APLF: variants seen among roughly 807,000 people sequenced by gnomAD.
APLF encodes the protein aprataxin and PNK-like factor.
In APLF, 61 loss-of-function variants were observed where a neutral mutation model predicts 55.6. The observed-to-expected ratio is 1.10, with a 90% CI of 0.89 to 1.36. APLF has a LOEUF of 1.36. APLF is among the 40% of genes most tolerant of loss of function. The pLI is 0.00. For synonymous variants in APLF, 207 were observed against 214.8 expected, an observed-to-expected ratio of 0.96 and a Z score of 0.32; for missense variants, 611 against 602.5, an observed-to-expected ratio of 1.01 and a Z score of -0.15.
At chr2:68,540,242 T>C (rs985426010) in intron 7 of APLF, among the ~76,000 whole-genome samples, 4 of 152,190 alleles carry the variant, frequency 2.6e-5, no homozygotes, top group Non-Finnish European at 4.4e-5. Context: ...CTCCCACTTA[T>C]GAGTGAGAAC....
intron 8 of APLF, among the ~76,000 whole-genome samples, chr2:68,548,041 A>G (rs1244577991): frequency 6.6e-6 from 1 of 151,862 alleles, no homozygotes; most frequent in African/African-American, 2.4e-5. Context: ...AAGGAAGGTA[A>G]GTTTAGATAA....
chr2:68,544,992 G>A (rs1299690400), intron 7 of APLF, among the ~76,000 whole-genome samples, 195 bp from the exon 8 acceptor site: 1 of 152,102 alleles, frequency 6.6e-6, no homozygotes, highest in Non-Finnish European at 1.5e-5. Context: ...TGAGAGTCCT[G>A]TACTGAGTTT....
intron 3 of APLF, among the ~76,000 whole-genome samples, chr2:68,512,422 A>G (rs1316082542): frequency 6.6e-6 from 1 of 151,684 alleles, no homozygotes; most frequent in East Asian, 1.9e-4. Context: ...ATAGTTTCAA[A>G]TTTTCGAAAA....
intron 6 of APLF, among the ~76,000 whole-genome samples, chr2:68,532,704 ACTC>A (rs1306335972): frequency 1.3e-5 from 2 of 151,908 alleles, no homozygotes; most frequent in Admixed American, 1.3e-4. Context: ...TCTTTCTACA[ACTC>A]CTTCCCAGTT....
intron 2 of APLF, among the ~76,000 whole-genome samples, chr2:68,501,437 AAC>A (rs1289458079): frequency 6.9e-6 from 1 of 144,380 alleles, no homozygotes; most frequent in Non-Finnish European, 1.6e-5. Context: ...AAAAAAAAAA[AAC>A]ACCAAAGATC....
intron 1 of APLF, among the ~76,000 whole-genome samples, chr2:68,478,688 G>A (rs1330083262): frequency 6.6e-6 from 1 of 152,066 alleles, no homozygotes; most frequent in African/African-American, 2.4e-5. Flanking sequence ...GTCTGAACAG[G>A]TTTTTTAATG....
chr2:68,518,817 T>C (rs1331588885), intron 5 of APLF, among the ~76,000 whole-genome samples: 14 of 125,258 alleles, frequency 1.1e-4, no homozygotes, highest in Non-Finnish European at 1.7e-4. Flanking sequence ...TATAATAAAA[T>C]ATTAGTAATA....
chr2:68,565,024 T>G (rs1178488114), intron 8 of APLF, among the ~76,000 whole-genome samples: 3 of 152,094 alleles, frequency 2.0e-5, no homozygotes, highest in Non-Finnish European at 4.4e-5. Context: ...ATATTTCAAG[T>G]GCTTAACAGT....
At chr2:68,560,057 C>G (rs1212288997) in intron 8 of APLF, among the ~76,000 whole-genome samples, 1 of 152,106 alleles carries the variant, frequency 6.6e-6, no homozygotes, top group Non-Finnish European at 1.5e-5. Context: ...TTTCCTCTTC[C>G]TTAAGTGTTC....
intron 2 of APLF, among the ~76,000 whole-genome samples, chr2:68,498,549 T>C (rs1573179083): frequency 6.6e-6 from 1 of 152,348 alleles, no homozygotes; most frequent in Non-Finnish European, 1.5e-5. Flanking sequence ...GCTGTAGCTC[T>C]CCAGCAGTTC....
At chr2:68,485,460 TG>T in intron 1 of APLF, among the ~76,000 whole-genome samples, 1 of 152,304 alleles carries the variant, frequency 6.6e-6, no homozygotes, top group South Asian at 2.1e-4. Context: ...TGTGGTGATG[TG>T]GTAAGTGTAA....
At chr2:68,484,784 G>A (rs1197244710) in intron 1 of APLF, among the ~76,000 whole-genome samples, 1 of 151,632 alleles carries the variant, frequency 6.6e-6, no homozygotes, top group Non-Finnish European at 1.5e-5. Context: ...ATCACTTGGA[G>A]CCAGGAGTTT....
intron 9 of APLF, chr2:68,568,377 C>G: frequency 1.1e-6 from 1 of 903,048 alleles, no homozygotes; most frequent in African/African-American, 1.8e-5. Context: ...AATGATTTCA[C>G]TGTAAGGGAA....
chr2:68,518,129 A>G (rs1215159286), intron 5 of APLF, among the ~76,000 whole-genome samples: 2 of 128,736 alleles, frequency 1.6e-5, no homozygotes, highest in East Asian at 2.2e-4. Flanking sequence ...ATATTAATAT[A>G]TATTAATATA....
chr2:68,492,750 A>C (rs913285899), intron 2 of APLF, among the ~76,000 whole-genome samples: 4 of 152,198 alleles, frequency 2.6e-5, no homozygotes, highest in African/African-American at 9.7e-5. Context: ...AAACTGTAGT[A>C]GAAATAATAC....
intron 5 of APLF, among the ~76,000 whole-genome samples, chr2:68,525,417 A>G (rs748927277): frequency 1.4e-4 from 21 of 152,202 alleles, no homozygotes; most frequent in African/African-American, 3.4e-4. Context: ...GAGAAATTCA[A>G]TTCTACAATT....
intron 1 of APLF, among the ~76,000 whole-genome samples, chr2:68,483,896 A>T (rs1321680719): frequency 1.3e-5 from 2 of 152,176 alleles, no homozygotes; most frequent in Non-Finnish European, 1.5e-5. Context: ...CTTCTCTAGA[A>T]AAGCATTTTA....
chr2:68,564,061 A>G (rs1189011823), intron 8 of APLF, among the ~76,000 whole-genome samples: 1 of 152,064 alleles, frequency 6.6e-6, no homozygotes, highest in Non-Finnish European at 1.5e-5. Flanking sequence ...GATGAAAAAT[A>G]TCTTTGGTAT....
chr2:68,495,677 A>C (rs1676523237), intron 2 of APLF, among the ~76,000 whole-genome samples: 2 of 152,242 alleles, frequency 1.3e-5, no homozygotes, highest in South Asian at 4.1e-4. Context: ...GCACTGCCCT[A>C]GTAGAAGTTC....
Sources: gnomAD v4.1 joint callset for allele counts (sites outside exome capture counted in the v4.1 genomes callset) on GRCh38, gnomAD v4.1.1 for gene constraint, MANE v1.5 for transcripts, NCBI Gene and HGNC (gene_info 2026-07-23, HGNC 2026-07-21) for gene names.